Variants in TSHR observed in about 807,000 individuals in gnomAD.
TSHR encodes the protein thyroid stimulating hormone receptor.
Under a neutral mutation model 64.1 loss-of-function variants are expected in TSHR, and 51 were observed. That is an observed-to-expected ratio of 0.80 (90% CI 0.64 to 1.01). The LOEUF is 1.01. TSHR is among the 50% of genes least tolerant of loss of function. TSHR has a pLI of 0.00. For missense variants in TSHR, 877 were observed against 942.8 expected (o/e 0.93, Z 0.91); for synonymous variants, 361 against 361.9 (o/e 1.00, Z 0.03).
chr14:81,062,266 T>C (rs1404729135), intron 2 of TSHR, 47 bp downstream of exon 2: 2 of 1,424,096 alleles, frequency 1.4e-6, no homozygotes, highest in African/African-American at 2.8e-5. Flanking sequence ...TGATATGTTA[T>C]TCTCTAAACG....
chr14:81,044,916 T>A (rs1045030606), intron 1 of TSHR, among the ~76,000 whole-genome samples: 1 of 152,186 alleles, frequency 6.6e-6, no homozygotes, highest in African/African-American at 2.4e-5. Context: ...CCCAAAGTAG[T>A]ATAAATCATT....
rs370951130 is a variant in TSHR, at chr14:81,011,532, T to C, written c.171-50616T>C. ...GTTGTCGCTTCTTTTTCATTCCCAG[T>C]ACAATTATGTATCGTGCTTTCTCTT... On this transcript the variant is annotated intron_variant, in intron 1 of 9. Coordinates refer to ENST00000298171, the MANE Select transcript of TSHR (RefSeq NM_000369.5). 2.9e-4 allele frequency among the ~76,000 whole-genome samples: 44 copies of C among 152,224 alleles called. 1 individual carries two copies. In the South Asian group the frequency reaches 8.7e-3, roughly 30 times the overall value.
At position 80,989,310 on chromosome 14, in the gene TSHR, T is replaced by G. The variant is rs77714877; in HGVS notation, c.170+33460T>G. On this transcript the variant is annotated intron_variant, in intron 1 of 9. Coordinates refer to ENST00000298171, the MANE Select transcript of TSHR (RefSeq NM_000369.5). ...TCTTCAGGGCAGCAACTATATTTTC[T>G]TTATTTCTATGTTCTCGGCACCTCA... Among the ~76,000 whole-genome samples, 396 of 152,342 alleles carry G rather than the reference T, an allele frequency of 2.6e-3. 3 individuals are homozygous for G. Among genetic ancestry groups the G allele is most frequent in the African/African-American group, 9.2e-3 (381 of 41,584 alleles).
intron 1 of TSHR, among the ~76,000 whole-genome samples, chr14:80,970,747 C>A (rs908385698): frequency 6.6e-6 from 1 of 152,346 alleles, no homozygotes; most frequent in East Asian, 1.9e-4. Context: ...AAAGCCAAGA[C>A]GCCCAGCAAG....
At chr14:81,060,049 C>A (rs954984106) in intron 1 of TSHR, among the ~76,000 whole-genome samples, 1 of 152,038 alleles carries the variant, frequency 6.6e-6, no homozygotes, top group Non-Finnish European at 1.5e-5. Context: ...TCTTAGAAAC[C>A]ATTGCAATCT....
intron 8 of TSHR, among the ~76,000 whole-genome samples, chr14:81,109,396 G>A (rs916226222): frequency 1.3e-5 from 2 of 152,002 alleles, no homozygotes; most frequent in African/African-American, 4.8e-5. Context: ...ACGACAGAGC[G>A]AGAGTCTGTC....
At chr14:81,125,253 A>C (rs1416576728) in intron 8 of TSHR, among the ~76,000 whole-genome samples, 1 of 152,188 alleles carries the variant, frequency 6.6e-6, no homozygotes, top group Admixed American at 6.5e-5. Context: ...ACAGACAGTG[A>C]TAGAGTTATG....
intron 1 of TSHR, among the ~76,000 whole-genome samples, chr14:81,019,670 T>C (rs190881478): frequency 0.012 from 1,790 of 151,750 alleles, 22 homozygotes; most frequent in African/African-American, 0.016. Context: ...CCATGTGTTC[T>C]TATTGTTCAA....
rs528949558 is a variant in TSHR, at chr14:81,130,883, C to T, written c.693-8796C>T. On this transcript the variant is annotated intron_variant, in intron 8 of 9. Coordinates refer to ENST00000298171, the MANE Select transcript of TSHR (RefSeq NM_000369.5). ...GCGGGTGCCTGTAGTCCCAGCTACTCGGGAGGCTGAGGCAGGAGAATGGCG... is the reference window on the plus strand; with the variant it reads ...GCGGGTGCCTGTAGTCCCAGCTACTTGGGAGGCTGAGGCAGGAGAATGGCG... Among the ~76,000 whole-genome samples the T allele has an allele frequency of 6.5e-5, 8 of 124,026 alleles. 1 individual carries two copies. The highest frequency in any genetic ancestry group is 1.2e-4 in the Non-Finnish European group (8 of 64,282). The allele number at this position is 124,026 out of a possible 152,430, so 81.4% of individuals were successfully genotyped here.
chr14:81,042,747 C>T (rs143873755), intron 1 of TSHR, among the ~76,000 whole-genome samples: 29 of 152,118 alleles, frequency 1.9e-4, no homozygotes, highest in African/African-American at 4.8e-4. Context: ...CTATAGTTAA[C>T]GACATTGCAT....
At chr14:81,114,348 G>A (rs1201513664) in intron 8 of TSHR, among the ~76,000 whole-genome samples, 7 of 152,202 alleles carry the variant, frequency 4.6e-5, no homozygotes, top group South Asian at 2.1e-4. Flanking sequence ...AAAGCAGGGC[G>A]AGGCATTGCC....
Position 81,144,527 on chromosome 14 carries a change from T to C in TSHR, c.*174T>C. The C allele has an allele frequency of 3.0e-6, 2 of 666,986 alleles. No individual in the cohort carries two copies. The highest frequency in any genetic ancestry group is 5.0e-6 in the Non-Finnish European group (2 of 397,468). The allele number at this position is 666,986 out of a possible 1,614,324, so 41.3% of individuals were successfully genotyped here. On this transcript the variant is annotated 3_prime_UTR_variant, in exon 10 of 10. Transcript: ENST00000298171. ...CTCTGGAGAGTGATTAGTATTAACC[T>C]AATCATTGCCCCCAAGAAGGAAGTT...
chr14:81,020,190 G>A (rs534402622), intron 1 of TSHR, among the ~76,000 whole-genome samples: 26 of 152,342 alleles, frequency 1.7e-4, no homozygotes, highest in African/African-American at 6.3e-4. Flanking sequence ...ATAAATGACT[G>A]AATGAGCAGC....
At chr14:81,088,750 AC>A (rs1266623106) in intron 4 of TSHR, among the ~76,000 whole-genome samples, 4 of 152,190 alleles carry the variant, frequency 2.6e-5, no homozygotes, top group Admixed American at 6.5e-5. Flanking sequence ...GTTAAAAAAA[AC>A]TTAATCCCAA....
intron 1 of TSHR, among the ~76,000 whole-genome samples, chr14:81,046,408 G>A (rs144441979): frequency 2.7e-4 from 41 of 151,732 alleles, no homozygotes; most frequent in African/African-American, 9.2e-4. Flanking sequence ...ATAACTGGAT[G>A]AGATTAACAT....
At chr14:81,106,444 A>C (rs553604334) in intron 7 of TSHR, among the ~76,000 whole-genome samples, 13 of 152,348 alleles carry the variant, frequency 8.5e-5, no homozygotes, top group Non-Finnish European at 1.3e-4. Flanking sequence ...TCACATATTC[A>C]TCCAACAAAT....
intron 1 of TSHR, among the ~76,000 whole-genome samples, chr14:80,971,831 G>A (rs890615935): frequency 6.6e-6 from 1 of 152,156 alleles, no homozygotes; most frequent in Non-Finnish European, 1.5e-5. Flanking sequence ...ACTGGCCACA[G>A]GTCCCTTTTA....
intron 3 of TSHR, among the ~76,000 whole-genome samples, chr14:81,084,539 T>C (rs1043235168): frequency 6.6e-6 from 1 of 152,180 alleles, no homozygotes; most frequent in African/African-American, 2.4e-5. Context: ...TAACAGCCCT[T>C]AGTGAGTGAG....
chr14:81,143,007 G>A lies in TSHR; in HGVS notation c.949G>A (p.Ala317Thr). 1.2e-6 allele frequency: 2 copies of A among 1,614,172 alleles called. No individual in the cohort carries two copies. The highest frequency in any genetic ancestry group is 1.7e-6 in the Non-Finnish European group (2 of 1,180,042). The change falls in exon 10 of 10, where the codon GCC becomes ACC. Residue 317 changes from alanine to threonine, a missense_variant. Transcript: ENST00000298171. ...CTTGCGCCAGAGAAAATCTGTGAAT[G>A]CCTTGAATAGCCCCCTCCACCAGGA... ...QSLRQRKSVNALNSPLHQEYE... is the reference protein window; with the variant it reads ...QSLRQRKSVNTLNSPLHQEYE...
Sources: allele counts gnomAD v4.1 joint callset (sites outside exome capture counted in the v4.1 genomes callset), GRCh38; gene constraint gnomAD v4.1.1; transcripts MANE v1.5; gene names NCBI Gene and HGNC (gene_info 2026-07-23, HGNC 2026-07-21).